The following XCL1 variants were observed in gnomAD, a reference collection of about 807,000 sequenced individuals.
The protein encoded by XCL1 is X-C motif chemokine ligand 1, also known as lymphotactin.
XCL1 carries 6 observed loss-of-function variants against 7.4 expected under a neutral mutation model. That is an observed-to-expected ratio of 0.82 (90% confidence interval 0.45 to 1.61). The LOEUF (loss-of-function observed/expected upper bound fraction) is 1.61, where lower values mean the gene tolerates loss of function less well. XCL1 is among the 40% of genes most tolerant of loss of function. The probability of loss-of-function intolerance (pLI) is 0.01; values close to 1 mark genes in which losing one functional copy is unlikely to be tolerated. For synonymous variants in XCL1, 48 were observed against 52.4 expected (o/e 0.92, Z 0.36); for missense variants, 122 against 138.2 (o/e 0.88, Z 0.59).
In XCL1 at chr1:168,581,944, T is replaced by G. The variant is rs1331437683; in HGVS notation, c.*724T>G. On this transcript the variant is annotated 3_prime_UTR_variant, in exon 3 of 3. Transcript: ENST00000367818. The stretch of plus-strand genomic sequence containing the variant: ...TTTCTGTATTTGCCATTACGCTAGT[T>G]ATCATGCATGTTATGCTTTACTGCG... The G allele has an allele frequency of 1.3e-5, 2 of 152,248 alleles. No individual in the cohort carries two copies. The allele number at this position is 152,248 out of a possible 1,614,324, so 9.4% of individuals were successfully genotyped here. A position where few individuals can be genotyped will look rare whatever the true frequency, so the allele number is the denominator to read the frequency against.
Position 168,581,296 on chromosome 1 carries a change from C to T in XCL1, c.*76C>T. 6.5e-7 allele frequency: 1 copy of T among 1,533,388 alleles called. No homozygotes were observed. Among genetic ancestry groups the T allele is most frequent in the Non-Finnish European group, 8.8e-7 (1 of 1,136,598 alleles). The allele number at this position is 1,533,388 out of a possible 1,614,324, so 95.0% of individuals were successfully genotyped here. A position where few individuals can be genotyped will look rare whatever the true frequency, so the allele number is the denominator to read the frequency against. On this transcript the variant is annotated 3_prime_UTR_variant, in exon 3 of 3. Coordinates refer to ENST00000367818, the MANE Select transcript of XCL1 (RefSeq NM_002995.3). The stretch of plus-strand genomic sequence containing the variant: ...CACGCTCATGGACTGAGTTTATACT[C>T]ACCTTTTATGAAAGCACTGCATGAA...
intron 1 of XCL1, chr1:168,578,860 C>A: frequency 2.5e-6 from 1 of 404,348 alleles, no homozygotes; most frequent in South Asian, 2.0e-5. Context: ...GACTGGATGT[C>A]CCAGTCTTGC....
At chr1:168,579,953 A>C in intron 1 of XCL1, 110 bp from the exon 2 acceptor site, 1 of 1,121,270 alleles carries the variant, frequency 8.9e-7, no homozygotes, top group Non-Finnish European at 1.2e-6. Flanking sequence ...CAAAAAGCAA[A>C]TGGCCTTAAA....
At position 168,581,560 on chromosome 1, in the gene XCL1, G is replaced by A. The variant is rs972140986; in HGVS notation, c.*340G>A. On this transcript the variant is annotated 3_prime_UTR_variant, in exon 3 of 3. Coordinates refer to ENST00000367818, the MANE Select transcript of XCL1 (RefSeq NM_002995.3). The stretch of plus-strand genomic sequence containing the variant: ...GAAAGCTATATCAATCTCTCTTAGA[G>A]TCCAGCTTGTAATGGTTCTTTACAC... 7.1e-5 allele frequency: 12 copies of A among 169,614 alleles called. No homozygotes were observed. The highest frequency in any genetic ancestry group is 1.2e-4 in the Non-Finnish European group (10 of 80,450). The allele number at this position is 169,614 out of a possible 1,614,324, so 10.5% of individuals were successfully genotyped here. A position where few individuals can be genotyped will look rare whatever the true frequency, so the allele number is the denominator to read the frequency against.
rs1331437683 is a variant in XCL1, at chr1:168,581,944, T to A, written c.*724T>A. ...TTTCTGTATTTGCCATTACGCTAGT[T>A]ATCATGCATGTTATGCTTTACTGCG... On this transcript the variant is annotated 3_prime_UTR_variant, in exon 3 of 3. Coordinates refer to ENST00000367818, the MANE Select transcript of XCL1 (RefSeq NM_002995.3). The A allele has an allele frequency of 6.6e-6, 1 of 152,248 alleles. No homozygotes were observed. Among genetic ancestry groups the A allele is most frequent in the African/African-American group, 2.4e-5 (1 of 41,472 alleles). 9.4% of individuals were successfully genotyped at this position (152,248 alleles called of 1,614,324 possible).
At chr1:168,580,406 A>G (rs1572579172) in intron 2 of XCL1, among the ~76,000 whole-genome samples, 1 of 152,254 alleles carries the variant, frequency 6.6e-6, no homozygotes, top group South Asian at 2.1e-4. Flanking sequence ...GTCCTCCTCT[A>G]TTTAGCTTAG....
In XCL1 at chr1:168,581,125, A is replaced by G. The variant is rs369530824; in HGVS notation, c.250A>G (p.Met84Val). 2.5e-6 allele frequency: 4 copies of G among 1,613,860 alleles called. No individual in the cohort carries two copies. Among genetic ancestry groups the G allele is most frequent in the East Asian group, 2.2e-5 (1 of 44,886 alleles). Residue 84 changes from methionine to valine, a missense_variant, in exon 3 of 3, where the codon ATG becomes GTG. By Grantham distance (21) the Met-to-Val change is conservative. Coordinates refer to ENST00000367818, the MANE Select transcript of XCL1 (RefSeq NM_002995.3). Reference sequence around the variant, plus strand: ...ATGGGTGAGAGACGTGGTCAGGAGCATGGACAGGAAATCCAACACCAGAAA... The same window carrying G: ...ATGGGTGAGAGACGTGGTCAGGAGCGTGGACAGGAAATCCAACACCAGAAA... Reference protein sequence around the residue: ...ATWVRDVVRSMDRKSNTRNNM... With the variant: ...ATWVRDVVRSVDRKSNTRNNM...
At chr1:168,576,752 C>A in intron 1 of XCL1, 54 bp downstream of exon 1, 3 of 1,612,586 alleles carry the variant, frequency 1.9e-6, no homozygotes, top group Non-Finnish European at 2.5e-6. Context: ...GGCAGGTGGG[C>A]ACACATTTTG....
At position 168,579,414 on chromosome 1, in the gene XCL1, T is replaced by A. The variant is rs1460208857; in HGVS notation, c.62-649T>A. 1.7e-5 allele frequency: 3 copies of A among 177,460 alleles called. No homozygotes were observed. The Admixed American group carries it at 1.8e-4, about 10-fold the overall frequency. 11.0% of individuals were successfully genotyped at this position (177,460 alleles called of 1,614,324 possible). On this transcript the variant is annotated intron_variant, in intron 1 of 2. Coordinates refer to ENST00000367818, the MANE Select transcript of XCL1 (RefSeq NM_002995.3). ...CGGCAGGGTCTGGGGCCACTTTCCTTCCTTTGGCCATCTTTCCTTTCAGCA... is the reference window on the plus strand; with the variant it reads ...CGGCAGGGTCTGGGGCCACTTTCCTACCTTTGGCCATCTTTCCTTTCAGCA...
At chr1:168,578,443 TAAC>T (rs1403907692) in intron 1 of XCL1, among the ~76,000 whole-genome samples, 1 of 152,178 alleles carries the variant, frequency 6.6e-6, no homozygotes, top group Non-Finnish European at 1.5e-5. Context: ...ACCCAACCCT[TAAC>T]AGTATTAATT....
chr1:168,577,713 G>T (rs1189026290), intron 1 of XCL1, among the ~76,000 whole-genome samples: 2 of 152,110 alleles, frequency 1.3e-5, no homozygotes, highest in African/African-American at 4.8e-5. Flanking sequence ...TACTACATTA[G>T]GCCACATGTT....
At chr1:168,580,763 A>G (rs1655144520) in intron 2 of XCL1, among the ~76,000 whole-genome samples, 1 of 152,226 alleles carries the variant, frequency 6.6e-6, no homozygotes, top group Admixed American at 6.5e-5. Context: ...TAATAATGGA[A>G]CTAGTTGGCC....
At chr1:168,578,523 G>A (rs1421716124) in intron 1 of XCL1, 3 of 176,642 alleles carry the variant, frequency 1.7e-5, no homozygotes, top group African/African-American at 7.2e-5. Flanking sequence ...AATTCCTTTG[G>A]GCCATTACTA....
chr1:168,581,044 C>A lies in XCL1; in HGVS notation c.177-8C>A, dbSNP rs368436762. On this transcript the variant is annotated splice_polypyrimidine_tract_variant and splice_region_variant and intron_variant, in intron 2 of 2. Coordinates refer to ENST00000367818, the MANE Select transcript of XCL1 (RefSeq NM_002995.3). ...GCTAACTTCGTCTGTCTTTTCCTTG[C>A]GTTACAGTTTTATTACCAAACGTGG... 2.5e-6 allele frequency: 4 copies of A among 1,612,978 alleles called. No individual in the cohort carries two copies. The highest frequency in any genetic ancestry group is 3.4e-6 in the Non-Finnish European group (4 of 1,179,294).
intron 1 of XCL1, among the ~76,000 whole-genome samples, chr1:168,578,065 A>C (rs116517088): frequency 4.6e-5 from 7 of 152,352 alleles, no homozygotes; most frequent in Non-Finnish European, 1.0e-4. Flanking sequence ...AGTCCACTTC[A>C]GATACTTCAC....
In XCL1 at chr1:168,581,249, C is replaced by A. The variant is rs1296164937; in HGVS notation, c.*29C>A. On this transcript the variant is annotated 3_prime_UTR_variant, in exon 3 of 3. Coordinates refer to ENST00000367818, the MANE Select transcript of XCL1 (RefSeq NM_002995.3). ...TCTCTGGCACCCTGTCCGTCTCCAG[C>A]CAGCCAGCTCATTTCACTTTACACG... The A allele has an allele frequency of 1.6e-5, 25 of 1,609,448 alleles. No homozygotes were observed. The highest frequency in any genetic ancestry group is 2.0e-5 in the Non-Finnish European group (24 of 1,176,596).
intron 1 of XCL1, among the ~76,000 whole-genome samples, chr1:168,577,015 G>C (rs1042319181): frequency 1.3e-5 from 2 of 152,194 alleles, no homozygotes; most frequent in Admixed American, 1.3e-4. Flanking sequence ...CTGAGATTAA[G>C]ATTAAATAAA....
chr1:168,579,928 A>C (rs933074453), intron 1 of XCL1, 135 bp from the exon 2 acceptor site: 19 of 740,352 alleles, frequency 2.6e-5, no homozygotes, highest in Non-Finnish European at 4.0e-5. Context: ...GATGCCTATC[A>C]GTCCTCTCTT....
Position 168,580,125 on chromosome 1 carries a change from G to T in XCL1, c.124G>T (p.Val42Phe), listed in dbSNP as rs779553668. The T allele has an allele frequency of 3.7e-6, 6 of 1,613,310 alleles. No individual in the cohort carries two copies. ...GAGCCTCACTACCCAGCGACTGCCG[G>T]TTAGCAGAATCAAGACCTACACCAT... ...CVSLTTQRLP[V>F]SRIKTYTITE... is the part of the protein sequence containing the mutation. The change falls in exon 2 of 3, where the codon GTT becomes TTT. Residue 42 changes from valine (V) to phenylalanine (F), a missense_variant. Coordinates refer to ENST00000367818, the MANE Select transcript of XCL1 (RefSeq NM_002995.3).
Sources: gnomAD v4.1 joint callset for allele counts (sites outside exome capture counted in the v4.1 genomes callset) on GRCh38, gnomAD v4.1.1 for gene constraint, MANE v1.5 for transcripts, NCBI Gene and HGNC (gene_info 2026-07-23, HGNC 2026-07-21) for gene names.